Variants in TANC2 observed in about 807,000 individuals in gnomAD.
TANC2 encodes the protein protein TANC2.
In TANC2, 26 loss-of-function variants were observed where a neutral mutation model predicts 210.5. The ratio of observed to expected loss-of-function variants is 0.12; its 90% CI spans 0.09 to 0.17. TANC2 has a LOEUF of 0.17. Ranked by LOEUF, TANC2 falls within the 10% of genes least tolerant of loss-of-function variation. The pLI is 1.00. For synonymous variants in TANC2, 931 were observed against 967.1 expected (o/e 0.96, Z 0.69); for missense variants, 2,129 against 2,608.9 (o/e 0.82, Z 4.01).
At chr17:63,247,764 A>G (rs1180972111) in intron 8 of TANC2, among the ~76,000 whole-genome samples, 1 of 152,142 alleles carries the variant, frequency 6.6e-6, no homozygotes, top group Non-Finnish European at 1.5e-5. Context: ...CTGGAGTAGT[A>G]CATATTGACT....
Position 63,061,991 on chromosome 17 carries a change from C to T in TANC2, c.68-11952C>T, listed in dbSNP as rs1172357170. Among the ~76,000 whole-genome samples, 3 of 152,132 alleles carry T rather than the reference C, an allele frequency of 2.0e-5. No individual in the cohort carries two copies. In the East Asian group the frequency reaches 5.8e-4, roughly 29 times the overall value. On this transcript the variant is annotated intron_variant, in intron 2 of 27. Coordinates refer to ENST00000689528, the Ensembl canonical transcript of TANC2. ...TTTTCTGATTCTGATTTGTATTGCTCTTTGATGTGTTATCTAATTTTCTTA... is the reference window on the plus strand; with the variant it reads ...TTTTCTGATTCTGATTTGTATTGCTTTTTGATGTGTTATCTAATTTTCTTA...
intron 9 of TANC2, among the ~76,000 whole-genome samples, chr17:63,312,535 T>G (rs1298604652): frequency 6.6e-6 from 1 of 152,100 alleles, no homozygotes; most frequent in African/African-American, 2.4e-5. Flanking sequence ...CATGGCTCAT[T>G]GACGTAAAGA....
chr17:63,013,672 G>A (rs1284910697), intron 2 of TANC2, among the ~76,000 whole-genome samples: 1 of 146,054 alleles, frequency 6.8e-6, no homozygotes, highest in East Asian at 2.1e-4. Context: ...CAAGGCAGGA[G>A]AATCGCTTGA....
intron 4 of TANC2, among the ~76,000 whole-genome samples, chr17:63,121,639 A>G (rs1427928242): frequency 6.6e-6 from 1 of 152,164 alleles, no homozygotes; most frequent in Non-Finnish European, 1.5e-5. Context: ...TATAATAAAA[A>G]TGTTTCCCAA....
chr17:63,256,498 G>A (rs77517817), intron 8 of TANC2, among the ~76,000 whole-genome samples: 21,419 of 151,920 alleles, frequency 0.14, 1,964 homozygotes, highest in Middle Eastern at 0.21. Flanking sequence ...TTTAGTACTT[G>A]GTCTGTGACC....
intron 11 of TANC2, 129 bp downstream of exon 11, chr17:63,319,219 T>C: frequency 1.0e-6 from 1 of 955,772 alleles, no homozygotes; most frequent in Admixed American, 2.9e-5. Context: ...GGAGGAAAGT[T>C]TCTCTTTCTT....
chr17:63,389,350 C>A, exon 17 of TANC2: 1 of 1,613,590 alleles, frequency 6.2e-7, no homozygotes, highest in Non-Finnish European at 8.5e-7. Flanking sequence ...TATTAATTAC[C>A]GGACAGAGGT....
intron 2 of TANC2, among the ~76,000 whole-genome samples, chr17:63,041,907 A>T (rs900783954): frequency 6.6e-6 from 1 of 152,176 alleles, no homozygotes; most frequent in Non-Finnish European, 1.5e-5. Context: ...GACTTTAGTG[A>T]TGCTTGGTGA....
intron 14 of TANC2, among the ~76,000 whole-genome samples, chr17:63,360,990 G>A (rs550780241): frequency 2.0e-5 from 3 of 152,192 alleles, no homozygotes; most frequent in East Asian, 1.9e-4. Flanking sequence ...CTTTTTTATG[G>A]CTGAATAATA....
At chr17:63,016,049 A>G (rs1210430765) in intron 2 of TANC2, among the ~76,000 whole-genome samples, 1 of 152,176 alleles carries the variant, frequency 6.6e-6, no homozygotes, top group Non-Finnish European at 1.5e-5. Flanking sequence ...TAAGCATAAC[A>G]TAGCCTTTGG....
intron 2 of TANC2, among the ~76,000 whole-genome samples, chr17:63,038,974 T>G (rs1314577515): frequency 1.3e-5 from 2 of 152,176 alleles, no homozygotes; most frequent in African/African-American, 4.8e-5. Flanking sequence ...CTCTGTTTCT[T>G]GTTTTATCTG....
intron 2 of TANC2, among the ~76,000 whole-genome samples, chr17:63,064,940 T>A (rs1464149022): frequency 6.6e-6 from 1 of 152,032 alleles, no homozygotes; most frequent in East Asian, 1.9e-4. Flanking sequence ...TGCAGTGCAC[T>A]ATTATTTACT....
intron 5 of TANC2, among the ~76,000 whole-genome samples, chr17:63,193,645 C>A (rs2041254405): frequency 6.6e-6 from 1 of 152,134 alleles, no homozygotes; most frequent in South Asian, 2.1e-4. Context: ...TGGATTGTTA[C>A]AAGGTGAGAT....
chr17:63,179,907 G>A (rs534559271), intron 5 of TANC2, among the ~76,000 whole-genome samples: 6 of 151,630 alleles, frequency 4.0e-5, no homozygotes, highest in African/African-American at 1.2e-4. Context: ...AGCTCTTTGG[G>A]AGGTCAATGC....
intron 12 of TANC2, 46 bp downstream of exon 12, chr17:63,340,378 C>T: frequency 6.7e-7 from 1 of 1,494,114 alleles, no homozygotes; most frequent in South Asian, 1.2e-5. Context: ...GTTTAGAGCC[C>T]AAGTTCACCC....
rs778555688 is a variant in TANC2, at chr17:63,420,330, C to T, written c.4600C>T (p.Arg1534Trp). Residue 1534 changes from arginine (R) to tryptophan (W), a missense_variant, in exon 28 of 28, where the codon CGG (arginine) becomes TGG (tryptophan). Arg to Trp is a moderately radical substitution (Grantham distance 101, BLOSUM62 -3). Transcript: ENST00000689528. This position sits in a 1 kb window ranked among gnomAD's most constrained non-coding sequence, Gnocchi z 4.2. ...GAGCCCACCCTCCTCTCCCCCGCAT[C>T]GGGACTCAGCCTACATCTCCAGCTC... 3.1e-6 allele frequency: 5 copies of T among 1,613,934 alleles called. No individual in the cohort carries two copies. The highest frequency in any genetic ancestry group is 2.2e-5 in the East Asian group (1 of 44,874).
At chr17:63,262,652 A>G (rs898374937) in intron 8 of TANC2, among the ~76,000 whole-genome samples, 6 of 149,926 alleles carry the variant, frequency 4.0e-5, no homozygotes, top group African/African-American at 1.5e-4. Context: ...TGGTAGCTAC[A>G]TAGATATCGA....
chr17:63,178,273 C>A (rs1462492476), intron 5 of TANC2, among the ~76,000 whole-genome samples: 1 of 151,998 alleles, frequency 6.6e-6, no homozygotes, highest in Non-Finnish European at 1.5e-5. Context: ...GCGGAGCTTG[C>A]AGTGAGCCGA....
chr17:63,007,417 A>G (rs1466286627), intron 1 of TANC2, among the ~76,000 whole-genome samples: 1 of 152,078 alleles, frequency 6.6e-6, no homozygotes, highest in East Asian at 1.9e-4. Context: ...CAGTTCATCT[A>G]TGTTTATAGT....
Sources: allele counts gnomAD v4.1 joint callset (sites outside exome capture counted in the v4.1 genomes callset), GRCh38; gene constraint gnomAD v4.1.1; non-coding constraint Gnocchi (gnomAD v3.1); transcripts MANE v1.5; gene names NCBI Gene and HGNC (gene_info 2026-07-23, HGNC 2026-07-21).